CTNNA3: variants seen among roughly 807,000 people sequenced by gnomAD.
CTNNA3 encodes catenin alpha-3.
In CTNNA3, 76 loss-of-function variants were observed where a neutral mutation model predicts 95.7. The ratio of observed to expected loss-of-function variants is 0.79; its 90% CI spans 0.66 to 0.96. The LOEUF is 0.96. CTNNA3 is among the 40% of genes least tolerant of loss of function. The probability of loss-of-function intolerance (pLI) is 0.00; values close to 1 mark genes in which losing one functional copy is unlikely to be tolerated. For synonymous variants in CTNNA3, 431 were observed against 374.4 expected, an observed-to-expected ratio of 1.15 and a Z score of -1.74; for missense variants, 1,191 against 1,089.8, an observed-to-expected ratio of 1.09 and a Z score of -1.31.
intron 3 of CTNNA3, among the ~76,000 whole-genome samples, chr10:67,566,041 GTGTATATATATATATATATATA>G (rs1321560883): frequency 3.4e-5 from 1 of 29,436 alleles, no homozygotes; most frequent in African/African-American, 1.4e-4. Flanking sequence ...ATATGTGTGT[GTGTATATATATATATATATATA>G]TATATATATA....
chr10:66,956,336 T>C (rs1035806967), intron 7 of CTNNA3, among the ~76,000 whole-genome samples: 2 of 151,892 alleles, frequency 1.3e-5, no homozygotes, highest in African/African-American at 4.8e-5. Context: ...GAGGGGATTC[T>C]TCCCAAGGGA....
Position 67,383,982 on chromosome 10 carries a change from A to G in CTNNA3, c.579+137860T>C, listed in dbSNP as rs563893139. Among the ~76,000 whole-genome samples, 4 of 152,300 alleles carry G rather than the reference A, an allele frequency of 2.6e-5. No individual in the cohort carries two copies. The East Asian group carries it at 7.7e-4, about 29-fold the overall frequency. ...AAGCCAAGGTTAATGCTCTTATACT[A>G]AGGGTCACTAACAGATTCCTTACCA... On this transcript the variant is annotated intron_variant, in intron 5 of 17. Coordinates refer to ENST00000433211, the MANE Select transcript of CTNNA3 (RefSeq NM_013266.4).
chr10:66,110,394 A>G (rs1376088152), intron 13 of CTNNA3, among the ~76,000 whole-genome samples: 2 of 151,336 alleles, frequency 1.3e-5, no homozygotes, highest in Admixed American at 1.3e-4. Context: ...TCAAATCAAT[A>G]TGCCTAAGAG....
chr10:66,217,137 C>T (rs533949878), intron 13 of CTNNA3, among the ~76,000 whole-genome samples: 4 of 152,150 alleles, frequency 2.6e-5, no homozygotes, highest in South Asian at 2.1e-4. Flanking sequence ...GGGTGGATCA[C>T]GAGGTCAGGA....
At chr10:67,101,578 C>T (rs1858346475) in intron 7 of CTNNA3, among the ~76,000 whole-genome samples, 1 of 151,222 alleles carries the variant, frequency 6.6e-6, no homozygotes, top group South Asian at 2.1e-4. Context: ...ATTTCTAGTC[C>T]CTCCTGAATG....
chr10:67,387,104 C>T (rs1244583167), intron 5 of CTNNA3, among the ~76,000 whole-genome samples: 3 of 152,100 alleles, frequency 2.0e-5, no homozygotes, highest in South Asian at 4.1e-4. Flanking sequence ...CCAGCGTGAG[C>T]GACGCAGAAG....
intron 7 of CTNNA3, among the ~76,000 whole-genome samples, chr10:66,979,756 A>C (rs1564809331): frequency 6.6e-6 from 1 of 152,192 alleles, no homozygotes. Flanking sequence ...CTTTATCACT[A>C]TCATAATAGA....
At chr10:66,248,553 C>T (rs1448168890) in intron 13 of CTNNA3, among the ~76,000 whole-genome samples, 1 of 151,842 alleles carries the variant, frequency 6.6e-6, no homozygotes, top group Non-Finnish European at 1.5e-5. Context: ...AAAAAAGATA[C>T]TTCATGCCAA....
intron 11 of CTNNA3, among the ~76,000 whole-genome samples, chr10:66,427,726 C>T (rs917595538): frequency 5.3e-5 from 8 of 152,130 alleles, no homozygotes; most frequent in African/African-American, 1.9e-4. Flanking sequence ...ACCACCAGAC[C>T]TGCCCGACAA....
At chr10:67,750,895 AT>A (rs1841403425) in intron 1 of CTNNA3, 1 of 1,610,666 alleles carries the variant, frequency 6.2e-7, no homozygotes, top group African/African-American at 1.3e-5. Context: ...CTCCAAGGGC[AT>A]CACCATTATG....
At position 67,282,180 on chromosome 10, in the gene CTNNA3, T is replaced by A. The variant is rs575663317; in HGVS notation, c.580-62310A>T. On this transcript the variant is annotated intron_variant, in intron 5 of 17. Coordinates refer to ENST00000433211, the MANE Select transcript of CTNNA3 (RefSeq NM_013266.4). ...TTCTATTAGAAGTAATTCTACCCTATTCCTTACGCAACTTGGTCCAAAATT... is the reference window on the plus strand; with the variant it reads ...TTCTATTAGAAGTAATTCTACCCTAATCCTTACGCAACTTGGTCCAAAATT... 4.6e-5 allele frequency among the ~76,000 whole-genome samples: 7 copies of A among 152,326 alleles called. No individual in the cohort carries two copies. In the South Asian group the frequency reaches 1.5e-3, roughly 32 times the overall value.
At chr10:66,561,941 GA>G (rs1439602220) in intron 10 of CTNNA3, among the ~76,000 whole-genome samples, 1 of 152,028 alleles carries the variant, frequency 6.6e-6, no homozygotes, top group African/African-American at 2.4e-5. Context: ...TTGTGAGGGG[GA>G]GATCAAAGAT....
At chr10:66,537,713 C>T (rs1056717894) in intron 10 of CTNNA3, among the ~76,000 whole-genome samples, 3 of 151,720 alleles carry the variant, frequency 2.0e-5, no homozygotes, top group African/African-American at 7.3e-5. Flanking sequence ...AGCCTTAATA[C>T]TTTGGGAAGC....
chr10:67,138,681 C>T (rs1448377107), intron 7 of CTNNA3, among the ~76,000 whole-genome samples: 2 of 152,164 alleles, frequency 1.3e-5, no homozygotes, highest in African/African-American at 4.8e-5. Flanking sequence ...GTTCAAATGG[C>T]AGCTGCCAGC....
At chr10:66,308,756 C>G (rs1373873907) in intron 12 of CTNNA3, among the ~76,000 whole-genome samples, 2 of 151,892 alleles carry the variant, frequency 1.3e-5, no homozygotes, top group East Asian at 3.9e-4. Flanking sequence ...CTTGGCTAAC[C>G]CTTGTACAGG....
intron 12 of CTNNA3, among the ~76,000 whole-genome samples, chr10:66,331,151 T>A (rs901683190): frequency 1.3e-5 from 2 of 151,960 alleles, no homozygotes; most frequent in African/African-American, 4.8e-5. Flanking sequence ...CATACCTATG[T>A]CCTGAATGGT....
At chr10:66,865,209 T>TGC (rs1844121911) in intron 7 of CTNNA3, among the ~76,000 whole-genome samples, 1 of 99,082 alleles carries the variant, frequency 1.0e-5, no homozygotes, top group African/African-American at 3.7e-5. Context: ...GGTGTGTGTG[T>TGC]GTGCGTGTGT....
chr10:67,257,606 G>A (rs765151727), intron 5 of CTNNA3, among the ~76,000 whole-genome samples: 22 of 152,132 alleles, frequency 1.4e-4, no homozygotes, highest in Non-Finnish European at 2.4e-4. Flanking sequence ...CACTGACTCT[G>A]CTCCACAAAA....
At chr10:67,292,888 T>C (rs928999587) in intron 5 of CTNNA3, among the ~76,000 whole-genome samples, 1 of 152,094 alleles carries the variant, frequency 6.6e-6, no homozygotes, top group Non-Finnish European at 1.5e-5. Context: ...TGTTTTCTGG[T>C]AACTCTAATG....
Sources: allele counts gnomAD v4.1 joint callset (sites outside exome capture counted in the v4.1 genomes callset), GRCh38; gene constraint gnomAD v4.1.1; transcripts MANE v1.5; gene names NCBI Gene and HGNC (gene_info 2026-07-23, HGNC 2026-07-21).